Variants in TUSC3 observed in about 807,000 individuals in gnomAD.
TUSC3 encodes the protein tumor suppressor candidate 3.
A neutral mutation model predicts 44.8 loss-of-function variants in TUSC3; 45 were observed. That is an observed-to-expected ratio of 1.00 (90% CI 0.79 to 1.29). The LOEUF is 1.29. Among genes scored for constraint, TUSC3 ranks in the 50% most tolerant of loss-of-function variants. TUSC3 has a pLI of 0.00. For synonymous variants in TUSC3, 212 were observed against 152.9 expected, an observed-to-expected ratio of 1.39 and a Z score of -2.85; for missense variants, 519 against 437.9, an observed-to-expected ratio of 1.19 and a Z score of -1.65.
At chr8:15,580,975 C>G (rs1180995658) in intron 1 of TUSC3, among the ~76,000 whole-genome samples, 2 of 90,500 alleles carry the variant, frequency 2.2e-5, no homozygotes, top group African/African-American at 5.3e-5. Context: ...TAGATTTGGT[C>G]TTTTCACATA....
chr8:15,561,318 A>G (rs138902272), intron 1 of TUSC3, among the ~76,000 whole-genome samples: 14,186 of 127,368 alleles, frequency 0.11, 1,139 homozygotes, highest in East Asian at 0.26. Context: ...GGCTGCTAGG[A>G]GGTCAGGGGT....
intron 1 of TUSC3, among the ~76,000 whole-genome samples, chr8:15,549,298 T>G (rs138109907): frequency 6.6e-6 from 1 of 151,622 alleles, no homozygotes; most frequent in Non-Finnish European, 1.5e-5. Context: ...CTCAGCCACC[T>G]GAGGAGCTGG....
At chr8:15,688,032 G>A (rs1248949715) in intron 6 of TUSC3, among the ~76,000 whole-genome samples, 3 of 151,956 alleles carry the variant, frequency 2.0e-5, no homozygotes, top group Non-Finnish European at 2.9e-5. Flanking sequence ...AAAAAGAGAA[G>A]AATCAGTCCT....
At chr8:15,708,583 T>G (rs1809713349) in intron 6 of TUSC3, among the ~76,000 whole-genome samples, 1 of 151,952 alleles carries the variant, frequency 6.6e-6, no homozygotes, top group Admixed American at 6.6e-5. Flanking sequence ...ATTTTGAGAA[T>G]GCTTTGGGAG....
intron 1 of TUSC3, among the ~76,000 whole-genome samples, chr8:15,565,825 T>C (rs923080757): frequency 6.6e-5 from 10 of 152,118 alleles, no homozygotes; most frequent in Non-Finnish European, 1.0e-4. Flanking sequence ...GCCATCAGCC[T>C]AGGTGTGGAT....
intron 1 of TUSC3, among the ~76,000 whole-genome samples, chr8:15,429,304 G>A (rs1799842846): frequency 6.6e-6 from 1 of 151,952 alleles, no homozygotes; most frequent in Non-Finnish European, 1.5e-5. Flanking sequence ...ATTTCTGAGG[G>A]CTCTGTTCTG....
the TUSC3 span, among the ~76,000 whole-genome samples, chr8:15,839,814 T>C: frequency 1.3e-5 from 2 of 152,176 alleles, no homozygotes; most frequent in Non-Finnish European, 2.9e-5. Context: ...TGGAAGACAG[T>C]GTGGCGATTC....
chr8:15,806,395 C>CTT, the TUSC3 span: 6 of 737,618 alleles, frequency 8.1e-6, no homozygotes, highest in East Asian at 1.3e-4. Flanking sequence ...TTCTTCGCTG[C>CTT]TTCTGGTGAT....
chr8:15,816,560 T>G, the TUSC3 span, among the ~76,000 whole-genome samples: 1 of 152,168 alleles, frequency 6.6e-6, no homozygotes, highest in African/African-American at 2.4e-5. Flanking sequence ...CCTGGGAATT[T>G]CTGGACTTTA....
the TUSC3 span, among the ~76,000 whole-genome samples, chr8:15,841,378 T>C: frequency 7.0e-6 from 1 of 142,334 alleles, no homozygotes. Context: ...CTCCTTCCTT[T>C]CTATTTGTAT....
At chr8:15,666,982 A>T (rs1168288452) in intron 5 of TUSC3, among the ~76,000 whole-genome samples, 3 of 151,690 alleles carry the variant, frequency 2.0e-5, no homozygotes, top group Admixed American at 6.6e-5. Context: ...CTCAAAGTAC[A>T]TTTTAAAACT....
intron 6 of TUSC3, among the ~76,000 whole-genome samples, chr8:15,705,956 T>C (rs1416707892): frequency 6.6e-6 from 1 of 152,012 alleles, no homozygotes; most frequent in Non-Finnish European, 1.5e-5. Flanking sequence ...TTTTCTTACA[T>C]TTTAGAAGTT....
intron 9 of TUSC3, among the ~76,000 whole-genome samples, chr8:15,752,878 C>T (rs1811765139): frequency 6.6e-6 from 1 of 151,894 alleles, no homozygotes; most frequent in Non-Finnish European, 1.5e-5. Context: ...CTTACTTTGG[C>T]CTCTTCAATT....
At chr8:15,848,645 G>C in the TUSC3 span, among the ~76,000 whole-genome samples, 3 of 152,170 alleles carry the variant, frequency 2.0e-5, no homozygotes, top group Admixed American at 6.6e-5. Flanking sequence ...TATGGACTCA[G>C]ACAAAGTGGT....
chr8:15,593,094 A>T lies in TUSC3; in HGVS notation c.139-29986A>T, dbSNP rs548365887. Among the ~76,000 whole-genome samples, 34 of 151,040 alleles carry T rather than the reference A, an allele frequency of 2.3e-4. No individual in the cohort carries two copies. In the East Asian group the frequency reaches 4.6e-3, roughly 21 times the overall value. On this transcript the variant is annotated intron_variant, in intron 1 of 10. Coordinates refer to ENST00000503731, the MANE Select transcript of TUSC3 (RefSeq NM_006765.4). ...ATATTAATGTGCTTTTTAAAAAAAAATTTTTTTTTGAGACGGAGTCTCACT... is the reference window on the plus strand; with the variant it reads ...ATATTAATGTGCTTTTTAAAAAAAATTTTTTTTTTGAGACGGAGTCTCACT...
At chr8:15,667,490 ATTAC>A (rs1312623496) in intron 5 of TUSC3, among the ~76,000 whole-genome samples, 17 of 151,676 alleles carry the variant, frequency 1.1e-4, no homozygotes, top group African/African-American at 3.9e-4. Flanking sequence ...ATGTCATTAA[ATTAC>A]TTATAACTTG....
At chr8:15,681,387 T>A (rs1808424934) in intron 6 of TUSC3, among the ~76,000 whole-genome samples, 2 of 151,998 alleles carry the variant, frequency 1.3e-5, no homozygotes, top group South Asian at 2.1e-4. Context: ...AGTTTCTTCC[T>A]GATTCAGTCT....
At chr8:15,625,327 T>C (rs1805451658) in intron 2 of TUSC3, among the ~76,000 whole-genome samples, 1 of 152,170 alleles carries the variant, frequency 6.6e-6, no homozygotes, top group South Asian at 2.1e-4. Context: ...CTTTGTTTAG[T>C]TTTGGTATCA....
chr8:15,454,719 A>G (rs1800234904), intron 1 of TUSC3, among the ~76,000 whole-genome samples: 1 of 152,144 alleles, frequency 6.6e-6, no homozygotes, highest in East Asian at 1.9e-4. Context: ...TTTAATCAGG[A>G]CCTAATAAAC....
Sources: gnomAD v4.1 joint callset for allele counts (sites outside exome capture counted in the v4.1 genomes callset) on GRCh38, gnomAD v4.1.1 for gene constraint, MANE v1.5 for transcripts, NCBI Gene and HGNC (gene_info 2026-07-23, HGNC 2026-07-21) for gene names.